The following LEPROTL1 variants were observed in gnomAD, a reference collection of about 807,000 sequenced individuals.
The protein encoded by LEPROTL1 is leptin receptor overlapping transcript like 1.
A neutral mutation model predicts 15.4 loss-of-function variants in LEPROTL1; 6 were observed. That is an observed-to-expected ratio of 0.39 (90% CI 0.21 to 0.77). LEPROTL1 has a LOEUF of 0.77. LEPROTL1 is among the 30% of genes least tolerant of loss of function. The pLI, the probability that LEPROTL1 is intolerant of heterozygous loss-of-function variation, is 0.41. For synonymous variants in LEPROTL1, 56 were observed against 52.6 expected (o/e 1.06, Z -0.28); for missense variants, 128 against 158.1 (o/e 0.81, Z 1.02).
At chr8:30,111,678 G>A (rs893948390), downstream of LEPROTL1, among the ~76,000 whole-genome samples, 2 of 152,106 alleles carry the variant, frequency 1.3e-5, no homozygotes, top group Non-Finnish European at 2.9e-5. Flanking sequence ...GAAATATATC[G>A]AAGCCAATTC....
chr8:30,137,821 C>T (rs773693645), downstream of LEPROTL1: 8 of 309,596 alleles, frequency 2.6e-5, no homozygotes, highest in East Asian at 7.0e-5. Flanking sequence ...ACAAATTAGC[C>T]GAAAGATTAG....
At chr8:30,097,691 A>G (rs1802392447) in intron 1 of LEPROTL1, among the ~76,000 whole-genome samples, 1 of 133,872 alleles carries the variant, frequency 7.5e-6, no homozygotes, top group African/African-American at 2.9e-5. Context: ...AAAAATATAT[A>G]TATATATACA....
At chr8:30,112,798 CATAG>C (rs1162645930), downstream of LEPROTL1, among the ~76,000 whole-genome samples, 3 of 151,980 alleles carry the variant, frequency 2.0e-5, no homozygotes, top group South Asian at 6.2e-4. Flanking sequence ...AGAGAGCTCA[CATAG>C]ATAGTGAATG....
At chr8:30,109,701 G>A (rs1802626975), downstream of LEPROTL1, among the ~76,000 whole-genome samples, 1 of 151,860 alleles carries the variant, frequency 6.6e-6, no homozygotes, top group Admixed American at 6.6e-5. Context: ...AGGAAGAGTG[G>A]AAAGTGGTCA....
chr8:30,122,725 G>A (rs1226924364), intron 3 of LEPROTL1, among the ~76,000 whole-genome samples: 15 of 152,172 alleles, frequency 9.9e-5, no homozygotes. Context: ...AACCTAGGAG[G>A]TGGAGGTTGC....
At chr8:30,104,202 A>G in intron 2 of LEPROTL1, 98 bp from the exon 3 acceptor site, 1 of 659,700 alleles carries the variant, frequency 1.5e-6, no homozygotes, top group Non-Finnish European at 2.4e-6. Context: ...ATCCATTAGA[A>G]GTCAAGCGAT....
At chr8:30,117,967 T>C (rs1585473012) in intron 3 of LEPROTL1, among the ~76,000 whole-genome samples, 1 of 151,782 alleles carries the variant, frequency 6.6e-6, no homozygotes, top group Non-Finnish European at 1.5e-5. Flanking sequence ...AAATAGAAAT[T>C]AGTATGAATC....
chr8:30,137,879 A>C, downstream of LEPROTL1: 2 of 252,784 alleles, frequency 7.9e-6, no homozygotes, highest in East Asian at 1.0e-4. Flanking sequence ...AGATTCTGAC[A>C]CTCCTCCAAT....
chr8:30,132,786 C>CA (rs1803055405), intron 4 of LEPROTL1: 2 of 1,551,714 alleles, frequency 1.3e-6, no homozygotes, highest in Non-Finnish European at 1.7e-6. Context: ...CATGCTCAGA[C>CA]AAAGAGCTCC....
intron 3 of LEPROTL1, chr8:30,104,985 A>C (rs1285336047): frequency 6.5e-6 from 1 of 152,976 alleles, no homozygotes; most frequent in Non-Finnish European, 1.5e-5. Flanking sequence ...AAGTGCTGGG[A>C]TTACAGGCAT....
chr8:30,103,741 C>CAA lies in LEPROTL1; in HGVS notation c.93-542_93-541dup, dbSNP rs200908304. Among the ~76,000 whole-genome samples, 844 of 89,018 alleles carry CAA rather than the reference C, an allele frequency of 9.5e-3. 19 individuals carry two copies. The highest frequency in any genetic ancestry group is 0.033 in the African/African-American group (804 of 24,534). 58.4% of individuals were successfully genotyped at this position (89,018 alleles called of 152,430 possible). A position where few individuals can be genotyped will look rare whatever the true frequency, so the allele number is the denominator to read the frequency against. On this transcript the variant is annotated intron_variant, in intron 2 of 3. Coordinates refer to ENST00000321250, the MANE Select transcript of LEPROTL1 (RefSeq NM_015344.3). Reference sequence around the variant, plus strand: ...TGGGCAGCAGAGCGAGACTCTGTCTCAAAAAAAAAAAAAAAAAATTTAGGA... The same window carrying CAA: ...TGGGCAGCAGAGCGAGACTCTGTCTCAAAAAAAAAAAAAAAAAAAATTTAGGA...
chr8:30,129,964 A>G (rs1189638945), intron 3 of LEPROTL1, among the ~76,000 whole-genome samples: 4 of 152,230 alleles, frequency 2.6e-5, no homozygotes, highest in East Asian at 3.9e-4. Flanking sequence ...ATAAACAACC[A>G]GATCATGTGA....
chr8:30,134,987 C>T (rs376153002), intron 4 of LEPROTL1, among the ~76,000 whole-genome samples: 1 of 152,294 alleles, frequency 6.6e-6, no homozygotes, highest in East Asian at 1.9e-4. Context: ...TCAAGTGATC[C>T]TCCCACCTCT....
At chr8:30,102,042 T>G in intron 2 of LEPROTL1, 69 bp downstream of exon 2, 1 of 994,208 alleles carries the variant, frequency 1.0e-6, no homozygotes. Flanking sequence ...CTTAAAAAAA[T>G]GTTTTTTTAC....
chr8:30,135,411 G>A (rs905613789), intron 4 of LEPROTL1, among the ~76,000 whole-genome samples: 1 of 152,192 alleles, frequency 6.6e-6, no homozygotes, highest in Non-Finnish European at 1.5e-5. Context: ...ACTCGGTAGT[G>A]AAGAAAAGAT....
chr8:30,108,573 C>T (rs1802608860), downstream of LEPROTL1: 1 of 151,692 alleles, frequency 6.6e-6, no homozygotes, highest in South Asian at 2.1e-4. Flanking sequence ...TTATCATATA[C>T]TTTAAAAAGT....
At position 30,114,970 on chromosome 8, in the gene LEPROTL1, G is replaced by C. The variant is rs186899673; in HGVS notation, c.279+10484G>C. 3.1e-3 allele frequency among the ~76,000 whole-genome samples: 473 copies of C among 152,306 alleles called. 1 individual carries two copies. The highest frequency in any genetic ancestry group is 4.7e-3 in the Non-Finnish European group (323 of 68,038). ...CTGATCTCAAGACATGGGGGAATGT[G>C]AACGCCAGCAAGACAGTTGACCGCC... is the stretch of plus-strand genomic sequence containing the variant. On this transcript the variant is annotated intron_variant, in intron 3 of 4. Transcript: ENST00000442880.
intron 3 of LEPROTL1, among the ~76,000 whole-genome samples, chr8:30,123,443 T>A (rs747664659): frequency 8.5e-5 from 13 of 152,244 alleles, no homozygotes; most frequent in Admixed American, 1.3e-4. Flanking sequence ...TTTCAATCAA[T>A]GAACATGATA....
chr8:30,096,146 C>T (rs187253171), intron 1 of LEPROTL1: 5 of 360,442 alleles, frequency 1.4e-5, no homozygotes, highest in Non-Finnish European at 1.9e-5. Flanking sequence ...GCTCTCTTCC[C>T]TCTCCGCAGT....
Sources: allele counts gnomAD v4.1 joint callset (sites outside exome capture counted in the v4.1 genomes callset), GRCh38; gene constraint gnomAD v4.1.1; transcripts MANE v1.5; gene names NCBI Gene and HGNC (gene_info 2026-07-23, HGNC 2026-07-21).